The following SIL1 variants were observed in gnomAD, a reference collection of about 807,000 sequenced individuals.
The protein encoded by SIL1 is SIL1 nucleotide exchange factor, also known as nucleotide exchange factor SIL1.
A neutral mutation model predicts 49.1 loss-of-function variants in SIL1; 40 were observed. The ratio of observed to expected loss-of-function variants is 0.81; its 90% CI spans 0.63 to 1.06. SIL1 has a LOEUF of 1.06. Ranked by LOEUF, SIL1 falls within the 50% of genes least tolerant of loss-of-function variation. The pLI is 0.00. For missense variants in SIL1, 500 were observed against 572.6 expected (o/e 0.87, Z 1.29); for synonymous variants, 253 against 250.8 (o/e 1.01, Z -0.08).
chr5:139,113,461 T>TA (rs1286682893), intron 3 of SIL1, among the ~76,000 whole-genome samples: 1 of 151,654 alleles, frequency 6.6e-6, no homozygotes, highest in African/African-American at 2.4e-5. Flanking sequence ...ATTTTTCCCT[T>TA]ACACACACCT....
At chr5:139,192,851 GC>G (rs1456317953) in intron 1 of SIL1, among the ~76,000 whole-genome samples, 3 of 151,468 alleles carry the variant, frequency 2.0e-5, no homozygotes, top group African/African-American at 7.3e-5. Flanking sequence ...AAAAAAATTA[GC>G]CAGATGTGGT....
intron 4 of SIL1, among the ~76,000 whole-genome samples, chr5:139,049,811 A>C (rs955618714): frequency 3.5e-4 from 53 of 151,880 alleles, no homozygotes; most frequent in African/African-American, 1.2e-3. Flanking sequence ...AAAAAAAAAA[A>C]ATCATCATCA....
chr5:139,037,981 T>C (rs1460337204), intron 5 of SIL1, among the ~76,000 whole-genome samples: 4 of 152,204 alleles, frequency 2.6e-5, no homozygotes, highest in Non-Finnish European at 4.4e-5. Context: ...GGGTCCCCTT[T>C]CTGGCTTACA....
intron 3 of SIL1, among the ~76,000 whole-genome samples, chr5:139,073,618 A>C (rs1440352102): frequency 2.0e-5 from 3 of 152,078 alleles, no homozygotes; most frequent in Non-Finnish European, 4.4e-5. Flanking sequence ...AATTCAAGAG[A>C]TCTATTGTAT....
At chr5:139,143,332 CACACACACACACAT>C (rs1299821077) in intron 1 of SIL1, among the ~76,000 whole-genome samples, 125 of 90,586 alleles carry the variant, frequency 1.4e-3, no homozygotes, top group African/African-American at 3.3e-3. Context: ...CACACACACA[CACACACACACACAT>C]ATATATATAT....
chr5:139,144,377 C>G (rs1383508302), intron 1 of SIL1, among the ~76,000 whole-genome samples: 1 of 151,942 alleles, frequency 6.6e-6, no homozygotes, highest in Non-Finnish European at 1.5e-5. Flanking sequence ...AAGAACAAAG[C>G]TGGAGAATTC....
At chr5:139,036,724 A>C (rs1279247565) in intron 5 of SIL1, among the ~76,000 whole-genome samples, 2 of 152,198 alleles carry the variant, frequency 1.3e-5, no homozygotes, top group African/African-American at 2.4e-5. Flanking sequence ...GGAGGGGATC[A>C]GGAAAAATAA....
chr5:139,165,170 T>C (rs1751591412), intron 1 of SIL1, among the ~76,000 whole-genome samples: 1 of 152,202 alleles, frequency 6.6e-6, no homozygotes, highest in Non-Finnish European at 1.5e-5. Context: ...GAGAGCTTCC[T>C]CTGCACAATA....
intron 1 of SIL1, among the ~76,000 whole-genome samples, chr5:139,134,351 G>C (rs1032298581): frequency 1.3e-5 from 2 of 152,116 alleles, no homozygotes; most frequent in African/African-American, 4.8e-5. Flanking sequence ...GCCCAGGCTG[G>C]TCTCGAACTC....
rs533714501 is a variant in SIL1 at position 138,953,768 on chromosome 5, A to G, written c.768-1884T>C. Among the ~76,000 whole-genome samples, 4 of 152,324 alleles carry G rather than the reference A, an allele frequency of 2.6e-5. No individual in the cohort carries two copies. The South Asian group carries it at 8.3e-4, about 32-fold the overall frequency. ...TGTCTCTGCCATCATGTGCCTAAGG[A>G]ACGCTCACCCATGACAGGAGGGTCC... On this transcript the variant is annotated intron_variant, in intron 7 of 9. Coordinates refer to ENST00000394817, the MANE Select transcript of SIL1 (RefSeq NM_022464.5).
chr5:138,975,628 A>G (rs1767378765), intron 7 of SIL1, among the ~76,000 whole-genome samples: 1 of 152,222 alleles, frequency 6.6e-6, no homozygotes, highest in African/African-American at 2.4e-5. Flanking sequence ...TAGATGATCT[A>G]TGTGACCAAA....
chr5:139,156,110 C>A (rs1213691256), intron 1 of SIL1, among the ~76,000 whole-genome samples: 1 of 152,074 alleles, frequency 6.6e-6, no homozygotes, highest in Admixed American at 6.5e-5. Flanking sequence ...CAGAAGATGA[C>A]TAAATAATAG....
intron 2 of SIL1, among the ~76,000 whole-genome samples, chr5:139,126,593 T>C (rs1477275185): frequency 6.6e-6 from 1 of 152,060 alleles, no homozygotes. Flanking sequence ...GCCCCTGGGA[T>C]CCCATTCTTA....
At chr5:139,054,789 C>G (rs1384564284) in intron 3 of SIL1, among the ~76,000 whole-genome samples, 8 of 152,124 alleles carry the variant, frequency 5.3e-5, no homozygotes, top group African/African-American at 1.9e-4. Context: ...TAAGCCACCA[C>G]AGGGGGCAAG....
At chr5:139,180,313 G>A (rs1281238950) in intron 1 of SIL1, among the ~76,000 whole-genome samples, 1 of 132,874 alleles carries the variant, frequency 7.5e-6, no homozygotes, top group African/African-American at 2.8e-5. Context: ...ACCAGGAGGT[G>A]AAGATTGCAG....
intron 3 of SIL1, among the ~76,000 whole-genome samples, chr5:139,111,902 C>T (rs1770851751): frequency 1.3e-5 from 2 of 152,214 alleles, no homozygotes; most frequent in Non-Finnish European, 2.9e-5. Flanking sequence ...CGAGCCAAAG[C>T]TGGACTGTAC....
intron 1 of SIL1, among the ~76,000 whole-genome samples, chr5:139,160,005 C>A (rs945835881): frequency 6.6e-6 from 1 of 152,156 alleles, no homozygotes; most frequent in Non-Finnish European, 1.5e-5. Context: ...CCATTACCAT[C>A]CCTGAAGGTC....
At chr5:139,009,129 T>C (rs1269956557) in intron 7 of SIL1, among the ~76,000 whole-genome samples, 1 of 151,676 alleles carries the variant, frequency 6.6e-6, no homozygotes, top group Non-Finnish European at 1.5e-5. Flanking sequence ...GGACTTGCGT[T>C]ATGAATCTGG....
intron 3 of SIL1, among the ~76,000 whole-genome samples, chr5:139,088,404 G>C (rs1462102479): frequency 6.6e-5 from 10 of 152,180 alleles, no homozygotes; most frequent in Non-Finnish European, 1.2e-4. Context: ...CAAATGCCAG[G>C]GCTGAGCTCA....
Sources: gnomAD v4.1 joint callset for allele counts (sites outside exome capture counted in the v4.1 genomes callset) on GRCh38, gnomAD v4.1.1 for gene constraint, MANE v1.5 for transcripts, NCBI Gene and HGNC (gene_info 2026-07-23, HGNC 2026-07-21) for gene names.